The following TSHZ2 variants were observed in gnomAD, a reference collection of about 807,000 sequenced individuals.
The protein encoded by TSHZ2 is teashirt zinc finger homeobox 2, also known as teashirt homolog 2.
Under a neutral mutation model 74.4 loss-of-function variants are expected in TSHZ2, and 21 were observed. The ratio of observed to expected loss-of-function variants is 0.28; its 90% CI spans 0.20 to 0.41. The LOEUF (loss-of-function observed/expected upper bound fraction) is 0.41, where lower values mean the gene tolerates loss of function less well. TSHZ2 is among the 10% of genes least tolerant of loss of function. The probability of loss-of-function intolerance (pLI) is 1.00; values close to 1 mark genes in which losing one functional copy is unlikely to be tolerated. For missense variants in TSHZ2, 1,244 were observed against 1,293.5 expected (o/e 0.96, Z 0.59); for synonymous variants, 540 against 515.3 (o/e 1.05, Z -0.65).
chr20:53,453,613 C>T (rs1416636045), intron 2 of TSHZ2, among the ~76,000 whole-genome samples: 1 of 152,166 alleles, frequency 6.6e-6, no homozygotes, highest in Non-Finnish European at 1.5e-5. Context: ...GGAAAAGCCA[C>T]TTATGTGATA....
intron 1 of TSHZ2, among the ~76,000 whole-genome samples, chr20:53,135,452 C>T (rs935118978): frequency 5.9e-5 from 9 of 152,158 alleles, no homozygotes; most frequent in Non-Finnish European, 8.8e-5. Context: ...GTGATCTGTA[C>T]GAGTTGCTGC....
At chr20:53,451,677 C>CTAGAT (rs1984790369) in intron 2 of TSHZ2, among the ~76,000 whole-genome samples, 1 of 152,214 alleles carries the variant, frequency 6.6e-6, no homozygotes, top group Non-Finnish European at 1.5e-5. Flanking sequence ...CACATGTAGA[C>CTAGAT]TAGATTAGAA....
At chr20:53,011,961 C>T (rs1982867065) in intron 1 of TSHZ2, among the ~76,000 whole-genome samples, 1 of 152,110 alleles carries the variant, frequency 6.6e-6, no homozygotes, top group African/African-American at 2.4e-5. Flanking sequence ...CACCACATTA[C>T]AGATGAGAAA....
intron 2 of TSHZ2, among the ~76,000 whole-genome samples, chr20:53,462,687 G>T (rs1007355317): frequency 6.6e-6 from 1 of 152,220 alleles, no homozygotes; most frequent in Admixed American, 6.5e-5. Context: ...CTCAACAGCT[G>T]ATTTGGGGGT....
At chr20:52,977,152 C>G (rs1444537683) in intron 1 of TSHZ2, among the ~76,000 whole-genome samples, 1 of 152,088 alleles carries the variant, frequency 6.6e-6, no homozygotes, top group Admixed American at 6.5e-5. Context: ...ATAGTGATGA[C>G]TCTGAATTAA....
chr20:53,385,679 A>G (rs2145647766), intron 2 of TSHZ2, among the ~76,000 whole-genome samples: 1 of 152,230 alleles, frequency 6.6e-6, no homozygotes, highest in South Asian at 2.1e-4. Context: ...GCCAAGCTCT[A>G]CCCCGTTAGG....
chr20:53,059,306 G>C (rs1310966822), intron 1 of TSHZ2, among the ~76,000 whole-genome samples: 1 of 152,128 alleles, frequency 6.6e-6, no homozygotes, highest in Non-Finnish European at 1.5e-5. Context: ...ATTTATCAAG[G>C]GAGCAGGTTT....
chr20:53,128,148 C>T (rs1023978306), intron 1 of TSHZ2, among the ~76,000 whole-genome samples: 1 of 150,186 alleles, frequency 6.7e-6, no homozygotes, highest in Non-Finnish European at 1.5e-5. Flanking sequence ...GGTCAAAGAA[C>T]TGAGTCATCT....
intron 1 of TSHZ2, among the ~76,000 whole-genome samples, chr20:53,235,655 C>T (rs772603280): frequency 5.2e-4 from 79 of 152,184 alleles, no homozygotes; most frequent in Non-Finnish European, 7.2e-4. Flanking sequence ...AAAAGGGAAG[C>T]TCTCTCTTTA....
intron 2 of TSHZ2, among the ~76,000 whole-genome samples, chr20:53,412,148 A>G (rs1270851250): frequency 6.6e-6 from 1 of 152,184 alleles, no homozygotes; most frequent in African/African-American, 2.4e-5. Context: ...CACAGATCCA[A>G]TTCAGAGTCA....
intron 1 of TSHZ2, among the ~76,000 whole-genome samples, chr20:53,222,288 A>G (rs1989582836): frequency 6.6e-6 from 1 of 152,192 alleles, no homozygotes; most frequent in Admixed American, 6.5e-5. Context: ...CCTCTGGGAC[A>G]CTGTTGCCAC....
chr20:53,023,212 A>G (rs147170106), intron 1 of TSHZ2, among the ~76,000 whole-genome samples: 1,763 of 152,312 alleles, frequency 0.012, 22 homozygotes, highest in Middle Eastern at 0.034. Flanking sequence ...ACCTTAATAT[A>G]TAAGATCCTT....
At chr20:53,004,914 C>A (rs1396255561) in intron 1 of TSHZ2, among the ~76,000 whole-genome samples, 1 of 152,126 alleles carries the variant, frequency 6.6e-6, no homozygotes, top group African/African-American at 2.4e-5. Flanking sequence ...CTAAGAGAGA[C>A]AGGAGGAAAT....
intron 1 of TSHZ2, among the ~76,000 whole-genome samples, chr20:53,233,285 C>T (rs1321303007): frequency 6.6e-6 from 1 of 152,186 alleles, no homozygotes; most frequent in Non-Finnish European, 1.5e-5. Flanking sequence ...AGTCCCTGCC[C>T]TCATGGAGTG....
At chr20:53,020,153 A>G (rs988445562) in intron 1 of TSHZ2, among the ~76,000 whole-genome samples, 1 of 152,160 alleles carries the variant, frequency 6.6e-6, no homozygotes, top group Non-Finnish European at 1.5e-5. Context: ...ATTCCCCACC[A>G]GGTCCCTCCC....
chr20:53,215,266 C>A (rs1230667193), intron 1 of TSHZ2, among the ~76,000 whole-genome samples: 2 of 152,084 alleles, frequency 1.3e-5, no homozygotes, highest in African/African-American at 4.8e-5. Context: ...ATCACAACAC[C>A]ACTTCCCGGG....
intron 2 of TSHZ2, among the ~76,000 whole-genome samples, chr20:53,377,048 T>G (rs1338325281): frequency 6.6e-6 from 1 of 152,162 alleles, no homozygotes; most frequent in Non-Finnish European, 1.5e-5. Context: ...AATCGTGGTG[T>G]ACTTCACTGA....
chr20:53,397,672 C>G (rs1472356130), intron 2 of TSHZ2: 1 of 152,164 alleles, frequency 6.6e-6, no homozygotes. Context: ...AAGACATATG[C>G]ACATGTATGT....
chr20:53,261,044 CAAG>C (rs1045169018), intron 2 of TSHZ2, among the ~76,000 whole-genome samples: 16 of 152,106 alleles, frequency 1.1e-4, no homozygotes, highest in African/African-American at 3.9e-4. Context: ...ATGATTTGTC[CAAG>C]AAGACAAAAC....
Sources: allele counts gnomAD v4.1 joint callset (sites outside exome capture counted in the v4.1 genomes callset), GRCh38; gene constraint gnomAD v4.1.1; transcripts MANE v1.5; gene names NCBI Gene and HGNC (gene_info 2026-07-23, HGNC 2026-07-21).